The following ADD3 variants were observed in gnomAD, a reference collection of about 807,000 sequenced individuals.
ADD3 encodes adducin 3.
Under a neutral mutation model 80.2 loss-of-function variants are expected in ADD3, and 25 were observed. The ratio of observed to expected loss-of-function variants is 0.31; its 90% CI spans 0.23 to 0.44. The LOEUF (loss-of-function observed/expected upper bound fraction) is 0.44. Ranked by LOEUF, ADD3 falls within the 20% of genes least tolerant of loss-of-function variation. The pLI is 1.00. For synonymous variants in ADD3, 284 were observed against 289.6 expected, an observed-to-expected ratio of 0.98 and a Z score of 0.20; for missense variants, 829 against 847.5, an observed-to-expected ratio of 0.98 and a Z score of 0.27.
In ADD3 at chr10:110,020,472, T is replaced by A. The variant is rs552984206; in HGVS notation, c.-30+12173T>A. On this transcript the variant is annotated intron_variant, in intron 1 of 14. Coordinates refer to ENST00000356080, the MANE Select transcript of ADD3 (RefSeq NM_016824.5). Reference sequence around the variant, plus strand: ...TGAAGATGATGAGAGAGCATGCATGTGGATGTCTGCGGGGAAGAACATTGC... The same window carrying A: ...TGAAGATGATGAGAGAGCATGCATGAGGATGTCTGCGGGGAAGAACATTGC... Among the ~76,000 whole-genome samples, 10 of 152,036 alleles carry A rather than the reference T, an allele frequency of 6.6e-5. No individual in the cohort carries two copies. The East Asian group carries it at 1.2e-3, about 18-fold the overall frequency.
At position 110,083,987 on chromosome 10, in the gene ADD3, A is replaced by G. The variant is rs559821754; in HGVS notation, c.-29-16638A>G. On this transcript the variant is annotated intron_variant, in intron 1 of 14. Transcript: ENST00000356080. ...CTCCTCATAGATAGCTTTTTATTTG[A>G]CAATAAAGTACTTGATGTAGGCTTT... is the stretch of plus-strand genomic sequence containing the variant. Among the ~76,000 whole-genome samples, 61 of 152,328 alleles carry G rather than the reference A, an allele frequency of 4.0e-4. 1 individual carries two copies. The South Asian group carries it at 0.012, about 30-fold the overall frequency.
At chr10:110,019,670 A>G (rs1188466290) in intron 1 of ADD3, among the ~76,000 whole-genome samples, 1 of 152,058 alleles carries the variant, frequency 6.6e-6, no homozygotes, top group East Asian at 1.9e-4. Context: ...CTTTTATATA[A>G]AATATGTGAG....
intron 3 of ADD3, 75 bp from the exon 4 acceptor site, chr10:110,116,184 C>T: frequency 6.7e-6 from 10 of 1,483,892 alleles, no homozygotes; most frequent in Non-Finnish European, 9.3e-6. Flanking sequence ...CAGACGCAGG[C>T]TACTTCCTGG....
At chr10:110,079,934 T>C (rs1217394633) in intron 1 of ADD3, among the ~76,000 whole-genome samples, 2 of 152,218 alleles carry the variant, frequency 1.3e-5, no homozygotes, top group Non-Finnish European at 2.9e-5. Context: ...ATTTGGATCA[T>C]TTCCAAGTTA....
chr10:110,117,744 A>T (rs1850933686), intron 5 of ADD3, among the ~76,000 whole-genome samples: 1 of 151,994 alleles, frequency 6.6e-6, no homozygotes, highest in African/African-American at 2.4e-5. Flanking sequence ...GGCCAGGTGC[A>T]GTGGCTCACG....
At chr10:110,126,144 T>G (rs986547033) in intron 11 of ADD3, among the ~76,000 whole-genome samples, 199 bp downstream of exon 11, 4 of 152,196 alleles carry the variant, frequency 2.6e-5, no homozygotes, top group Non-Finnish European at 4.4e-5. Flanking sequence ...ATGGGGAAGA[T>G]GTATTGAACA....
intron 1 of ADD3, among the ~76,000 whole-genome samples, chr10:110,070,099 A>G (rs1388997575): frequency 6.6e-6 from 1 of 152,174 alleles, no homozygotes; most frequent in African/African-American, 2.4e-5. Context: ...CACCCCATAC[A>G]TATATACTCA....
chr10:110,063,777 A>G lies in ADD3; in HGVS notation c.-29-36848A>G, dbSNP rs1589945088. On this transcript the variant is annotated intron_variant, in intron 1 of 14. Transcript: ENST00000356080. The stretch of plus-strand genomic sequence containing the variant: ...TATATATATATATATATATATATAT[A>G]TATATAAAGTGAACACCGTGTGTAA... Among the ~76,000 whole-genome samples, 5 of 105,724 alleles carry G rather than the reference A, an allele frequency of 4.7e-5. No homozygotes were observed. The East Asian group carries it at 1.6e-3, about 33-fold the overall frequency. The allele number at this position is 105,724 out of a possible 152,430, so 69.4% of individuals were successfully genotyped here.
At chr10:110,113,169 A>C (rs1016036306) in intron 3 of ADD3, among the ~76,000 whole-genome samples, 100 of 152,282 alleles carry the variant, frequency 6.6e-4, no homozygotes, top group Non-Finnish European at 2.1e-4. Flanking sequence ...TCCCAGCCAC[A>C]TGGGAGGCTG....
At chr10:110,122,018 T>C (rs770843055) in intron 8 of ADD3, 92 bp from the exon 9 acceptor site, 18 of 1,138,262 alleles carry the variant, frequency 1.6e-5, no homozygotes, top group Non-Finnish European at 2.5e-6. Context: ...TTATAGATAT[T>C]TGCCAAATTG....
chr10:110,041,169 A>G (rs1020164880), intron 1 of ADD3, among the ~76,000 whole-genome samples: 4 of 152,202 alleles, frequency 2.6e-5, no homozygotes, highest in Non-Finnish European at 5.9e-5. Flanking sequence ...AGGAGATTTT[A>G]AGTAGGTAGT....
At position 110,134,330 on chromosome 10, in the gene ADD3, C is replaced by CA. The variant is rs34106955; in HGVS notation, c.*729dup. On this transcript the variant is annotated 3_prime_UTR_variant, in exon 15 of 15. Coordinates refer to ENST00000356080, the MANE Select transcript of ADD3 (RefSeq NM_016824.5). ...CATGGGTTATTTAGTTTAACTCTGG[C>CA]AAAAAAAAAAAAAAAAATTTTGTAT... The CA allele has an allele frequency of 5.1e-3, 695 of 137,390 alleles. 3 individuals carry two copies. The highest frequency in any genetic ancestry group is 8.9e-3 in the Non-Finnish European group (541 of 61,100). 8.5% of individuals were successfully genotyped at this position (137,390 alleles called of 1,614,324 possible).
At chr10:110,035,852 C>G (rs1855576523) in intron 1 of ADD3, among the ~76,000 whole-genome samples, 1 of 152,090 alleles carries the variant, frequency 6.6e-6, no homozygotes, top group African/African-American at 2.4e-5. Context: ...ACCACTGTCC[C>G]CATCGAAGCC....
At chr10:110,055,845 T>C (rs963150090) in intron 1 of ADD3, among the ~76,000 whole-genome samples, 22 of 152,244 alleles carry the variant, frequency 1.4e-4, no homozygotes, top group African/African-American at 5.1e-4. Context: ...TGATAGAGAT[T>C]ACACAGCTCC....
chr10:110,097,784 T>C (rs1848344353), intron 1 of ADD3, among the ~76,000 whole-genome samples: 1 of 151,208 alleles, frequency 6.6e-6, no homozygotes, highest in Non-Finnish European at 1.5e-5. Flanking sequence ...TTTCTTTTTT[T>C]TTTTTTTTGA....
At chr10:110,126,194 G>A (rs553043997) in intron 11 of ADD3, among the ~76,000 whole-genome samples, 2 of 152,190 alleles carry the variant, frequency 1.3e-5, no homozygotes, top group African/African-American at 4.8e-5. Context: ...GGGGGAAAAT[G>A]CAGTTCTCTA....
intron 1 of ADD3, among the ~76,000 whole-genome samples, chr10:110,090,138 C>T (rs1233508903): frequency 6.6e-6 from 1 of 151,530 alleles, no homozygotes; most frequent in African/African-American, 2.4e-5. Context: ...GACTGATCCT[C>T]AGCATTGTCC....
At chr10:110,122,982 C>G (rs1480506560) in intron 9 of ADD3, among the ~76,000 whole-genome samples, 1 of 152,074 alleles carries the variant, frequency 6.6e-6, no homozygotes, top group African/African-American at 2.4e-5. Flanking sequence ...GGGTATTTGT[C>G]TTTCTGTGCC....
chr10:110,129,839 T>C (rs1343355380), intron 12 of ADD3, among the ~76,000 whole-genome samples: 1 of 152,210 alleles, frequency 6.6e-6, no homozygotes, highest in Non-Finnish European at 1.5e-5. Context: ...TTTCTATTCC[T>C]TTACTATCAT....
Sources: allele counts gnomAD v4.1 joint callset (sites outside exome capture counted in the v4.1 genomes callset), GRCh38; gene constraint gnomAD v4.1.1; transcripts MANE v1.5; gene names NCBI Gene and HGNC (gene_info 2026-07-23, HGNC 2026-07-21).